ZNF676: variants seen among roughly 807,000 people sequenced by gnomAD.
The protein encoded by ZNF676 is zinc finger protein 676.
A neutral mutation model predicts 6.0 loss-of-function variants in ZNF676; 4 were observed. The ratio of observed to expected loss-of-function variants is 0.67; its 90% confidence interval spans 0.33 to 1.53. The LOEUF (loss-of-function observed/expected upper bound fraction) is 1.53. Ranked by LOEUF, ZNF676 falls within the 40% of genes most tolerant of loss-of-function variation. The probability of loss-of-function intolerance (pLI) is 0.06; values close to 1 mark genes in which losing one functional copy is unlikely to be tolerated. For synonymous variants in ZNF676, 198 were observed against 223.1 expected (o/e 0.89, Z 1.00); for missense variants, 644 against 679.7 (o/e 0.95, Z 0.58).
At chr19:22,243,029 A>G in the ZNF676 span, among the ~76,000 whole-genome samples, 1 of 151,828 alleles carries the variant, frequency 6.6e-6, no homozygotes, top group Non-Finnish European at 1.5e-5. Flanking sequence ...TGTCTGTGGT[A>G]AGCCCAGTAT....
the ZNF676 span, among the ~76,000 whole-genome samples, chr19:22,249,458 G>C: frequency 6.6e-6 from 1 of 152,158 alleles, no homozygotes; most frequent in Non-Finnish European, 1.5e-5. Flanking sequence ...TGTTGCCCAA[G>C]CTGGAGTGCA....
chr19:22,197,632 T>G (rs1166451690), upstream of ZNF676, among the ~76,000 whole-genome samples: 9 of 152,136 alleles, frequency 5.9e-5, no homozygotes, highest in African/African-American at 2.2e-4. Flanking sequence ...GATAAGAGCC[T>G]TCATTTTCCA....
At chr19:22,214,899 G>A (rs866357850) in intron 1 of ZNF676, among the ~76,000 whole-genome samples, 3 of 150,796 alleles carry the variant, frequency 2.0e-5, no homozygotes, top group Non-Finnish European at 3.0e-5. Flanking sequence ...AAATTAGCCG[G>A]GGGTGTTGGC....
chr19:22,217,223 A>G (rs1330422556), upstream of ZNF676, among the ~76,000 whole-genome samples: 2 of 151,856 alleles, frequency 1.3e-5, no homozygotes, highest in African/African-American at 4.8e-5. Flanking sequence ...ATTTATTGAG[A>G]CAGAGTTTCG....
chr19:22,195,711 T>G (rs893276110), intron 1 of ZNF676, among the ~76,000 whole-genome samples: 1 of 152,196 alleles, frequency 6.6e-6, no homozygotes, highest in South Asian at 2.1e-4. Flanking sequence ...AAAGAGCAAT[T>G]GTGCTATCAT....
the ZNF676 span, chr19:22,245,262 C>T: frequency 6.6e-6 from 1 of 152,088 alleles, no homozygotes. Context: ...AAATGATGGG[C>T]CCAGAGATGG....
At chr19:22,199,791 G>A (rs1415585274), upstream of ZNF676, among the ~76,000 whole-genome samples, 1 of 152,166 alleles carries the variant, frequency 6.6e-6, no homozygotes, top group Non-Finnish European at 1.5e-5. Context: ...GAAATCAGCT[G>A]CAGGAACAGA....
At chr19:22,196,367 A>G (rs1362415504) in intron 1 of ZNF676, among the ~76,000 whole-genome samples, 1 of 152,090 alleles carries the variant, frequency 6.6e-6, no homozygotes, top group Non-Finnish European at 1.5e-5. Flanking sequence ...CAAGCAGCTG[A>G]CCACAACCTC....
rs189166583 is a variant in ZNF676, at chr19:22,196,511, T to G, written c.34+89A>C. ...TTTTGTCTTTGTCTGTATTCTCGCA[T>G]TCATCCTCCTTTGTTCAGTCCAATA... On this transcript the variant is annotated intron_variant, in intron 1 of 2. Coordinates refer to ENST00000397121, the MANE Select transcript of ZNF676 (RefSeq NM_001001411.3). 3 of 1,603,892 alleles carry G rather than the reference T, an allele frequency of 1.9e-6. No homozygotes were observed. In the African/African-American group the frequency reaches 4.0e-5, roughly 22 times the overall value.
chr19:22,232,788 T>C, the ZNF676 span, among the ~76,000 whole-genome samples: 3 of 152,072 alleles, frequency 2.0e-5, no homozygotes, highest in African/African-American at 7.2e-5. Context: ...AGTATAAATA[T>C]ATAGAAATTA....
chr19:22,232,699 C>A, the ZNF676 span, among the ~76,000 whole-genome samples: 2 of 151,714 alleles, frequency 1.3e-5, no homozygotes, highest in East Asian at 1.9e-4. Context: ...ATTTTTAAAA[C>A]TAAATTTATA....
At chr19:22,198,309 T>C (rs2023991516), upstream of ZNF676, among the ~76,000 whole-genome samples, 1 of 152,304 alleles carries the variant, frequency 6.6e-6, no homozygotes, top group East Asian at 1.9e-4. Context: ...TAAGAAGCCA[T>C]AATATAGAGA....
chr19:22,180,742 A>C lies in ZNF676; in HGVS notation c.975T>G (p.Thr325=), dbSNP rs1217673322. The stretch of plus-strand genomic sequence containing the variant: ...CTCCAGCATGAATTCTCTTGTGTTC[A>C]GTAAGGCTTGAGGACCAGCTGAAGG... ...GKAFSWSSSL[T]EHKRIHAGEK... The change falls in exon 3 of 3, where the codon ACT becomes ACG. Residue 325 remains threonine, a synonymous_variant. Coordinates refer to ENST00000397121, the MANE Select transcript of ZNF676 (RefSeq NM_001001411.3). 2 of 1,612,750 alleles carry C rather than the reference A, an allele frequency of 1.2e-6. No individual in the cohort carries two copies. Among genetic ancestry groups the C allele is most frequent in the Non-Finnish European group, 1.7e-6 (2 of 1,179,338 alleles).
the ZNF676 span, among the ~76,000 whole-genome samples, chr19:22,256,285 C>G: frequency 6.6e-6 from 1 of 152,172 alleles, no homozygotes; most frequent in Non-Finnish European, 1.5e-5. Context: ...AGAGTCACAT[C>G]ACCTGAGTGC....
intron 2 of ZNF676, among the ~76,000 whole-genome samples, chr19:22,188,924 C>A (rs934132900): frequency 2.6e-5 from 4 of 152,162 alleles, no homozygotes; most frequent in African/African-American, 9.7e-5. Context: ...AATGGCCATA[C>A]TGCCCAAAGT....
At chr19:22,193,166 C>A in intron 1 of ZNF676, 55 bp from the exon 2 acceptor site, 1 of 1,506,210 alleles carries the variant, frequency 6.6e-7, no homozygotes, top group Non-Finnish European at 8.9e-7. Flanking sequence ...CAATTACCAA[C>A]TTAGTAATGT....
At chr19:22,255,519 G>C in the ZNF676 span, among the ~76,000 whole-genome samples, 212 of 152,236 alleles carry the variant, frequency 1.4e-3, no homozygotes, top group African/African-American at 2.4e-3. Context: ...TCAGATAGGA[G>C]AGCCCTCACT....
chr19:22,252,808 A>C, the ZNF676 span, among the ~76,000 whole-genome samples: 1 of 152,224 alleles, frequency 6.6e-6, no homozygotes, highest in African/African-American at 2.4e-5. Flanking sequence ...CAAGACATTG[A>C]CTAAGCGCTG....
intron 1 of ZNF676, among the ~76,000 whole-genome samples, chr19:22,210,616 C>A (rs1225970348): frequency 2.0e-5 from 3 of 152,166 alleles, no homozygotes; most frequent in African/African-American, 7.2e-5. Context: ...CCTCTGTGTT[C>A]TCCAGGAACA....
Sources: allele counts gnomAD v4.1 joint callset (sites outside exome capture counted in the v4.1 genomes callset), GRCh38; gene constraint gnomAD v4.1.1; transcripts MANE v1.5; gene names NCBI Gene and HGNC (gene_info 2026-07-23, HGNC 2026-07-21).